The following SLC71A1 variants were observed in gnomAD, a reference collection of about 807,000 sequenced individuals.
The protein encoded by SLC71A1 is solute carrier family 71 member 1, also known as hippocampus abundant gene transcript 1.
the SLC71A1 span, chr1:100,069,699 TTTAG>T: frequency 5.1e-6 from 8 of 1,571,018 alleles, no homozygotes; most frequent in Admixed American, 1.0e-4. Flanking sequence ...AGTTTCTTTT[TTTAG>T]TTAGAGTGAT....
the SLC71A1 span, among the ~76,000 whole-genome samples, chr1:100,055,952 C>T: frequency 1.3e-5 from 2 of 152,074 alleles, no homozygotes; most frequent in African/African-American, 2.4e-5. Flanking sequence ...GGGGTTTCAC[C>T]GTATTGGCCA....
the SLC71A1 span, among the ~76,000 whole-genome samples, chr1:100,064,121 A>G: frequency 1.6e-4 from 25 of 151,958 alleles, no homozygotes; most frequent in Non-Finnish European, 2.4e-4. Flanking sequence ...GTGTGTGTGT[A>G]TGTATGTGTG....
At chr1:100,063,290 C>T in the SLC71A1 span, among the ~76,000 whole-genome samples, 1 of 149,472 alleles carries the variant, frequency 6.7e-6, no homozygotes, top group African/African-American at 2.5e-5. Flanking sequence ...CAAAACAAAA[C>T]AAAACAAAAC....
the SLC71A1 span, among the ~76,000 whole-genome samples, chr1:100,060,997 A>G: frequency 3.9e-5 from 6 of 152,170 alleles, no homozygotes; most frequent in African/African-American, 7.2e-5. Context: ...TACAATTCTA[A>G]TAGACCAAGC....
the SLC71A1 span, among the ~76,000 whole-genome samples, chr1:100,076,893 T>C: frequency 6.6e-6 from 1 of 152,238 alleles, no homozygotes; most frequent in African/African-American, 2.4e-5. Flanking sequence ...CCTTCCATTT[T>C]CAACTACTGA....
At chr1:100,068,556 A>G in the SLC71A1 span, 2 of 1,612,636 alleles carry the variant, frequency 1.2e-6, no homozygotes, top group Non-Finnish European at 1.7e-6. Context: ...AGGCAGGCCA[A>G]TATTCCAGCT....
At chr1:100,046,119 A>G in the SLC71A1 span, among the ~76,000 whole-genome samples, 261 of 143,216 alleles carry the variant, frequency 1.8e-3, 1 homozygote, top group African/African-American at 6.1e-3. Flanking sequence ...TCTATTGTCT[A>G]TGTATCTGTT....
the SLC71A1 span, among the ~76,000 whole-genome samples, chr1:100,040,456 CTTTT>C: frequency 6.6e-6 from 1 of 151,976 alleles, no homozygotes; most frequent in Non-Finnish European, 1.5e-5. Flanking sequence ...CTATTATGAA[CTTTT>C]TTTGTTTGTT....
At chr1:100,064,207 T>C in the SLC71A1 span, among the ~76,000 whole-genome samples, 1 of 152,194 alleles carries the variant, frequency 6.6e-6, no homozygotes, top group Admixed American at 6.5e-5. Context: ...AGAGGTGTGA[T>C]CTTGGCTTAC....
chr1:100,040,041 A>G, the SLC71A1 span, among the ~76,000 whole-genome samples: 8 of 152,334 alleles, frequency 5.3e-5, no homozygotes, highest in African/African-American at 1.7e-4. Flanking sequence ...CATAGAACAA[A>G]TGAAGACTTT....
At chr1:100,040,118 C>G in the SLC71A1 span, among the ~76,000 whole-genome samples, 5 of 152,170 alleles carry the variant, frequency 3.3e-5, no homozygotes, top group Admixed American at 1.3e-4. Context: ...ATTTCATTCT[C>G]TATTCTAAGA....
the SLC71A1 span, chr1:100,038,208 A>G: frequency 6.5e-6 from 10 of 1,545,718 alleles, no homozygotes; most frequent in Non-Finnish European, 8.8e-6. Flanking sequence ...TGGCTGCAGC[A>G]GCGCCAGGAA....
the SLC71A1 span, chr1:100,082,421 T>C: frequency 8.9e-6 from 5 of 559,212 alleles, no homozygotes; most frequent in South Asian, 1.1e-4. Context: ...ACCTTTTGTT[T>C]ATTAGCACCA....
chr1:100,059,144 G>GTGTTTTTTTTTTTTT, the SLC71A1 span, among the ~76,000 whole-genome samples: 12 of 75,414 alleles, frequency 1.6e-4, no homozygotes, highest in African/African-American at 4.7e-4. Context: ...TCTTTTTCGT[G>GTGTTTTTTTTTTTTT]TTTTTTTTTT....
At chr1:100,048,928 A>G in the SLC71A1 span, among the ~76,000 whole-genome samples, 1 of 152,178 alleles carries the variant, frequency 6.6e-6, no homozygotes, top group African/African-American at 2.4e-5. Flanking sequence ...CTGCTAGACA[A>G]CCAAGCTAAA....
chr1:100,059,144 GTTTTTTTTTTTTTT>G, the SLC71A1 span, among the ~76,000 whole-genome samples: 4 of 75,426 alleles, frequency 5.3e-5, no homozygotes, highest in East Asian at 1.3e-3. Context: ...TCTTTTTCGT[GTTTTTTTTTTTTTT>G]TTTTTTTTTT....
chr1:100,081,514 AGGCAT>A, the SLC71A1 span, among the ~76,000 whole-genome samples: 3 of 152,164 alleles, frequency 2.0e-5, no homozygotes, highest in Admixed American at 2.0e-4. Flanking sequence ...CTGGGATTAC[AGGCAT>A]ATGCCACCAT....
At chr1:100,057,554 C>A in the SLC71A1 span, among the ~76,000 whole-genome samples, 2 of 151,962 alleles carry the variant, frequency 1.3e-5, no homozygotes, top group Non-Finnish European at 2.9e-5. Context: ...GAGGTTTCGA[C>A]ATGTTGGCCA....
chr1:100,068,759 G>A, the SLC71A1 span, among the ~76,000 whole-genome samples: 4 of 152,158 alleles, frequency 2.6e-5, no homozygotes, highest in Non-Finnish European at 4.4e-5. Context: ...AAGGTGGGTG[G>A]ATCAGCTGAG....
Sources: allele counts gnomAD v4.1 joint callset (sites outside exome capture counted in the v4.1 genomes callset), GRCh38; gene constraint gnomAD v4.1.1; transcripts MANE v1.5; gene names NCBI Gene and HGNC (gene_info 2026-07-23, HGNC 2026-07-21).